NEK11: variants seen among roughly 807,000 people sequenced by gnomAD.
NEK11 encodes the protein serine/threonine-protein kinase Nek11.
In NEK11, 72 loss-of-function variants were observed where a neutral mutation model predicts 80.7. The observed-to-expected ratio is 0.89, with a 90% CI of 0.74 to 1.08. The LOEUF is 1.08. Ranked by LOEUF, NEK11 falls within the 50% of genes least tolerant of loss-of-function variation. NEK11 has a pLI of 0.00. For missense variants in NEK11, 764 were observed against 763.6 expected, an observed-to-expected ratio of 1.00 and a Z score of -0.01; for synonymous variants, 251 against 260.7, an observed-to-expected ratio of 0.96 and a Z score of 0.36.
At chr3:131,341,791 T>C (rs767777787) in intron 17 of NEK11, among the ~76,000 whole-genome samples, 1 of 152,202 alleles carries the variant, frequency 6.6e-6, no homozygotes, top group African/African-American at 2.4e-5. Context: ...ATTTTTATCA[T>C]ATTAATATGG....
At chr3:131,324,614 T>C (rs530019683) in intron 17 of NEK11, among the ~76,000 whole-genome samples, 1 of 152,322 alleles carries the variant, frequency 6.6e-6, no homozygotes, top group African/African-American at 2.4e-5. Context: ...GGAAGCACAA[T>C]TGTAATTCAT....
At chr3:131,328,737 T>G (rs2097019789) in intron 17 of NEK11, 1 of 152,256 alleles carries the variant, frequency 6.6e-6, no homozygotes, top group South Asian at 2.1e-4. Flanking sequence ...TTGCTTGTTT[T>G]TCTAGGAGTG....
intron 16 of NEK11, among the ~76,000 whole-genome samples, chr3:131,259,928 C>A (rs1431122049): frequency 6.6e-6 from 1 of 152,058 alleles, no homozygotes; most frequent in Admixed American, 6.6e-5. Flanking sequence ...CAGAGACTAC[C>A]CTGTTTTGCA....
intron 13 of NEK11, among the ~76,000 whole-genome samples, chr3:131,170,190 C>A (rs573046920): frequency 6.6e-6 from 1 of 152,306 alleles, no homozygotes; most frequent in Non-Finnish European, 1.5e-5. Flanking sequence ...CACACACACA[C>A]ACAAAACTAA....
At chr3:131,214,303 A>G (rs1051820529) in intron 14 of NEK11, among the ~76,000 whole-genome samples, 4 of 152,192 alleles carry the variant, frequency 2.6e-5, no homozygotes, top group African/African-American at 9.7e-5. Flanking sequence ...TCACCATCCC[A>G]TTCTACACGT....
chr3:131,335,561 C>A (rs1324965916), intron 17 of NEK11, among the ~76,000 whole-genome samples: 28 of 152,220 alleles, frequency 1.8e-4, no homozygotes, highest in African/African-American at 4.1e-4. Context: ...CTGGCACAAG[C>A]CAGGGATGCC....
At chr3:131,159,624 G>A (rs1040003223) in intron 10 of NEK11, among the ~76,000 whole-genome samples, 1 of 152,162 alleles carries the variant, frequency 6.6e-6, no homozygotes, top group Non-Finnish European at 1.5e-5. Flanking sequence ...AGTTAGCCAG[G>A]TGTAGTGGTA....
chr3:131,182,662 G>C (rs1222284783), intron 14 of NEK11, among the ~76,000 whole-genome samples: 1 of 152,150 alleles, frequency 6.6e-6, no homozygotes, highest in Non-Finnish European at 1.5e-5. Context: ...ATTAATGGGA[G>C]TTCTTCTTAC....
chr3:131,083,541 G>A (rs1314645825), intron 4 of NEK11, among the ~76,000 whole-genome samples: 1 of 152,204 alleles, frequency 6.6e-6, no homozygotes, highest in Non-Finnish European at 1.5e-5. Context: ...CACAGGGCTG[G>A]TGTTATCCTT....
chr3:131,086,125 T>G (rs146622933), intron 4 of NEK11, among the ~76,000 whole-genome samples: 2 of 152,360 alleles, frequency 1.3e-5, no homozygotes, highest in Non-Finnish European at 2.9e-5. Context: ...CTGATGATGT[T>G]AACTTTGATC....
At chr3:131,082,274 T>A (rs2075383139) in intron 4 of NEK11, among the ~76,000 whole-genome samples, 1 of 152,254 alleles carries the variant, frequency 6.6e-6, no homozygotes, top group Non-Finnish European at 1.5e-5. Context: ...ATGATCCACC[T>A]GCTATAATTT....
At chr3:131,261,776 CT>C (rs1209710580) in intron 16 of NEK11, among the ~76,000 whole-genome samples, 5 of 152,158 alleles carry the variant, frequency 3.3e-5, no homozygotes, top group Non-Finnish European at 7.3e-5. Context: ...GATAGCCTAT[CT>C]TCTTAATTGA....
intron 4 of NEK11, among the ~76,000 whole-genome samples, chr3:131,087,347 A>C (rs1050819663): frequency 2.0e-5 from 3 of 149,266 alleles, no homozygotes; most frequent in Admixed American, 1.4e-4. Context: ...AGGTTCAAGC[A>C]ATTCTCCTGC....
chr3:131,175,611 C>T (rs1470748079), intron 14 of NEK11, among the ~76,000 whole-genome samples: 2 of 152,038 alleles, frequency 1.3e-5, no homozygotes, highest in Non-Finnish European at 2.9e-5. Flanking sequence ...TGGGAGTTGA[C>T]TCTAAAAGGG....
At chr3:131,335,317 T>C (rs369478111) in intron 17 of NEK11, among the ~76,000 whole-genome samples, 2 of 152,126 alleles carry the variant, frequency 1.3e-5, no homozygotes, top group Non-Finnish European at 2.9e-5. Flanking sequence ...GTTCAATATA[T>C]GCAAATCAAT....
intron 16 of NEK11, among the ~76,000 whole-genome samples, chr3:131,264,387 G>C (rs999382522): frequency 2.6e-5 from 4 of 152,162 alleles, no homozygotes; most frequent in African/African-American, 9.7e-5. Flanking sequence ...ATTAATTTTT[G>C]TATAAGGTGT....
At chr3:131,207,358 T>A (rs908451562) in intron 14 of NEK11, among the ~76,000 whole-genome samples, 2 of 151,924 alleles carry the variant, frequency 1.3e-5, no homozygotes, top group Admixed American at 1.3e-4. Flanking sequence ...CTGAGGCGGG[T>A]GGATCACGAG....
chr3:131,069,002 AT>A (rs1489175795), intron 3 of NEK11, among the ~76,000 whole-genome samples: 1 of 152,064 alleles, frequency 6.6e-6, no homozygotes, highest in Non-Finnish European at 1.5e-5. Context: ...TACACTTGCC[AT>A]GATGATGAAA....
intron 10 of NEK11, among the ~76,000 whole-genome samples, chr3:131,160,526 G>A (rs2091395645): frequency 6.6e-6 from 1 of 152,116 alleles, no homozygotes; most frequent in East Asian, 1.9e-4. Context: ...ATACAAACAA[G>A]TCTGCATAAT....
Sources: gnomAD v4.1 joint callset for allele counts (sites outside exome capture counted in the v4.1 genomes callset) on GRCh38, gnomAD v4.1.1 for gene constraint, MANE v1.5 for transcripts, NCBI Gene and HGNC (gene_info 2026-07-23, HGNC 2026-07-21) for gene names.